POU6F2: variants seen among roughly 807,000 people sequenced by gnomAD.
POU6F2 encodes the protein POU class 6 homeobox 2.
Under a neutral mutation model 71.3 loss-of-function variants are expected in POU6F2, and 31 were observed. That is an observed-to-expected ratio of 0.43 (90% CI 0.33 to 0.59). The LOEUF is 0.59. Ranked by LOEUF, POU6F2 falls within the 20% of genes least tolerant of loss-of-function variation. The probability of loss-of-function intolerance (pLI) is 0.04; values close to 1 mark genes in which losing one functional copy is unlikely to be tolerated. For missense variants in POU6F2, 783 were observed against 856.8 expected (o/e 0.91, Z 1.07); for synonymous variants, 347 against 355.7 (o/e 0.98, Z 0.27).
intron 4 of POU6F2, among the ~76,000 whole-genome samples, chr7:39,224,969 A>G (rs1371579916): frequency 1.3e-5 from 2 of 152,216 alleles, no homozygotes; most frequent in Non-Finnish European, 2.9e-5. Flanking sequence ...ATTTGCAGCC[A>G]GCTGCCAACT....
chr7:39,067,917 A>G (rs921290540), intron 1 of POU6F2, among the ~76,000 whole-genome samples: 23 of 152,160 alleles, frequency 1.5e-4, no homozygotes, highest in African/African-American at 5.1e-4. Flanking sequence ...GGATAATACA[A>G]AAGAGAGGCT....
At position 39,104,333 on chromosome 7, in the gene POU6F2, A is replaced by AGGC. The variant is rs1186329888; in HGVS notation, c.277+18302_277+18303insGGC. Among the ~76,000 whole-genome samples, 11 of 152,338 alleles carry AGGC rather than the reference A, an allele frequency of 7.2e-5. No individual in the cohort carries two copies. In the East Asian group the frequency reaches 2.1e-3, roughly 29 times the overall value. ...TTGGCAAGCCTGGTAGAGATAGTGC[A>AGGC]TTTCTGTCTGACTTAGTGTTAGCTG... On this transcript the variant is annotated intron_variant, in intron 2 of 9. Transcript: ENST00000518318.
At chr7:39,189,381 T>TGTTC in intron 2 of POU6F2, among the ~76,000 whole-genome samples, 1 of 151,422 alleles carries the variant, frequency 6.6e-6, no homozygotes, top group South Asian at 2.1e-4. Context: ...TTTGTGTGTT[T>TGTTC]GTTTGTTTGT....
chr7:39,222,383 A>G (rs1228925176), intron 4 of POU6F2, among the ~76,000 whole-genome samples: 5 of 152,268 alleles, frequency 3.3e-5, no homozygotes, highest in South Asian at 2.1e-4. Context: ...GAGACTTTCC[A>G]TGGCAAAATT....
intron 6 of POU6F2, among the ~76,000 whole-genome samples, chr7:39,411,535 G>T (rs748087194): frequency 5.3e-5 from 8 of 152,166 alleles, no homozygotes; most frequent in Non-Finnish European, 8.8e-5. Context: ...CCAGTCAAGG[G>T]GGGGGAAGTC....
intron 2 of POU6F2, among the ~76,000 whole-genome samples, chr7:39,170,199 C>A (rs1042551684): frequency 7.9e-5 from 12 of 152,202 alleles, no homozygotes; most frequent in Admixed American, 5.2e-4. Flanking sequence ...AAATTGTATT[C>A]GTTGTTTTTG....
chr7:39,028,441 A>G (rs1056701875), intron 1 of POU6F2, among the ~76,000 whole-genome samples: 1 of 152,172 alleles, frequency 6.6e-6, no homozygotes, highest in African/African-American at 2.4e-5. Context: ...ACATTTAAAA[A>G]TATTGCTTTG....
At chr7:39,318,226 A>G (rs949488062) in intron 4 of POU6F2, among the ~76,000 whole-genome samples, 5 of 152,162 alleles carry the variant, frequency 3.3e-5, no homozygotes, top group East Asian at 1.9e-4. Flanking sequence ...CACCCAGCAC[A>G]GTGCCAGGAA....
intron 5 of POU6F2, among the ~76,000 whole-genome samples, chr7:39,399,046 G>A (rs1787239550): frequency 6.6e-6 from 1 of 152,088 alleles, no homozygotes; most frequent in African/African-American, 2.4e-5. Context: ...CACTTTCAAG[G>A]TAGAATGGTG....
chr7:39,437,537 G>C (rs1788277641), intron 7 of POU6F2, among the ~76,000 whole-genome samples: 1 of 151,802 alleles, frequency 6.6e-6, no homozygotes, highest in African/African-American at 2.4e-5. Context: ...TCTAGCTAGT[G>C]GTCTACCTAT....
intron 1 of POU6F2, among the ~76,000 whole-genome samples, chr7:39,072,340 G>A (rs1790901641): frequency 6.6e-6 from 1 of 152,200 alleles, no homozygotes; most frequent in African/African-American, 2.4e-5. Flanking sequence ...TAAAATTTGG[G>A]TAATTCAGTC....
intron 1 of POU6F2, among the ~76,000 whole-genome samples, chr7:39,001,176 G>A (rs564444922): frequency 8.6e-5 from 13 of 151,990 alleles, no homozygotes; most frequent in African/African-American, 3.1e-4. Context: ...AGTTTAAAAT[G>A]ACTTATGGGT....
At chr7:39,454,074 A>G (rs769323239) in intron 8 of POU6F2, among the ~76,000 whole-genome samples, 14 of 152,202 alleles carry the variant, frequency 9.2e-5, no homozygotes, top group Non-Finnish European at 1.6e-4. Flanking sequence ...CTCTGGTTCC[A>G]TAATTTGCTA....
intron 4 of POU6F2, among the ~76,000 whole-genome samples, chr7:39,232,560 A>G (rs1794596607): frequency 6.6e-6 from 1 of 152,222 alleles, no homozygotes; most frequent in Non-Finnish European, 1.5e-5. Context: ...CCTCCAGCAT[A>G]TAGACGGTAT....
intron 6 of POU6F2, among the ~76,000 whole-genome samples, chr7:39,417,467 C>T (rs1222600787): frequency 1.3e-5 from 2 of 152,136 alleles, no homozygotes; most frequent in African/African-American, 4.8e-5. Context: ...CTCCAAATTG[C>T]CATTTGTCTC....
intron 1 of POU6F2, among the ~76,000 whole-genome samples, chr7:39,032,264 A>G (rs185826457): frequency 9.2e-5 from 14 of 152,314 alleles, no homozygotes; most frequent in African/African-American, 2.4e-4. Flanking sequence ...GGGAGGGACT[A>G]TAACCACAGT....
intron 1 of POU6F2, among the ~76,000 whole-genome samples, chr7:38,981,582 G>A (rs1436811636): frequency 6.6e-6 from 1 of 152,172 alleles, no homozygotes; most frequent in Non-Finnish European, 1.5e-5. Context: ...CTAAGAGTTT[G>A]CTGGGAGTGA....
intron 9 of POU6F2, among the ~76,000 whole-genome samples, chr7:39,463,532 T>C (rs918351727): frequency 6.6e-6 from 1 of 152,076 alleles, no homozygotes; most frequent in Non-Finnish European, 1.5e-5. Flanking sequence ...TGGGTAATGT[T>C]TTACCTGGAA....
intron 8 of POU6F2, among the ~76,000 whole-genome samples, chr7:39,459,500 G>C (rs1368257381): frequency 6.7e-6 from 1 of 148,514 alleles, no homozygotes; most frequent in Non-Finnish European, 1.5e-5. Context: ...TTTGTTTCAC[G>C]ACAACTAGAG....
Sources: allele counts gnomAD v4.1 joint callset (sites outside exome capture counted in the v4.1 genomes callset), GRCh38; gene constraint gnomAD v4.1.1; transcripts MANE v1.5; gene names NCBI Gene and HGNC (gene_info 2026-07-23, HGNC 2026-07-21).